The following TIMM44 variants were observed in gnomAD, a reference collection of about 807,000 sequenced individuals.
TIMM44 encodes mitochondrial import inner membrane translocase subunit TIM44.
A neutral mutation model predicts 63.8 loss-of-function variants in TIMM44; 37 were observed. The ratio of observed to expected loss-of-function variants is 0.58; its 90% CI spans 0.45 to 0.76. The LOEUF (loss-of-function observed/expected upper bound fraction) is 0.76, where lower values mean the gene tolerates loss of function less well. Ranked by LOEUF, TIMM44 falls within the 30% of genes least tolerant of loss-of-function variation. The pLI is 0.00. For synonymous variants in TIMM44, 239 were observed against 245.1 expected, an observed-to-expected ratio of 0.98 and a Z score of 0.23; for missense variants, 573 against 603.8, an observed-to-expected ratio of 0.95 and a Z score of 0.54.
Position 7,934,992 on chromosome 19 carries a change from C to T in TIMM44, c.393+73G>A. 1.4e-6 allele frequency: 2 copies of T among 1,434,572 alleles called. No homozygotes were observed. The allele number at this position is 1,434,572 out of a possible 1,614,324, so 88.9% of individuals were successfully genotyped here. On this transcript the variant is annotated intron_variant, in intron 4 of 12. Coordinates refer to ENST00000270538, the MANE Select transcript of TIMM44 (RefSeq NM_006351.4). The surrounding 1 kb of genome is among the most constrained non-coding windows in gnomAD (Gnocchi z 5.3). ...CAAGCCACCCCCACCCAGGAGCCGACTCTTCCTCCAGCCTCCAGCGGCCAG... is the reference window on the plus strand; with the variant it reads ...CAAGCCACCCCCACCCAGGAGCCGATTCTTCCTCCAGCCTCCAGCGGCCAG...
Position 7,943,485 on chromosome 19 carries a change from C to A in TIMM44, c.45+122G>T. On this transcript the variant is annotated intron_variant, in intron 1 of 12. Coordinates refer to ENST00000270538, the MANE Select transcript of TIMM44 (RefSeq NM_006351.4). The surrounding 1 kb of genome is among the most constrained non-coding windows in gnomAD (Gnocchi z 4.3). Reference sequence around the variant, plus strand: ...GCCTCTGCTACCCAAAGATCTAACCCCAAGCTTTCTAAGGAGCCCAAGCAA... The same window carrying A: ...GCCTCTGCTACCCAAAGATCTAACCACAAGCTTTCTAAGGAGCCCAAGCAA... 8.2e-7 allele frequency: 1 copy of A among 1,216,326 alleles called. No homozygotes were observed. Among genetic ancestry groups the A allele is most frequent in the Non-Finnish European group, 1.2e-6 (1 of 857,292 alleles). The allele number at this position is 1,216,326 out of a possible 1,614,324, so 75.3% of individuals were successfully genotyped here. A position where few individuals can be genotyped will look rare whatever the true frequency, so the allele number is the denominator to read the frequency against.
At chr19:7,939,159 T>A (rs950144224) in intron 2 of TIMM44, among the ~76,000 whole-genome samples, 1 of 151,940 alleles carries the variant, frequency 6.6e-6, no homozygotes, top group African/African-American at 2.4e-5. Context: ...TAATAATGTA[T>A]CAACATCCTG....
intron 9 of TIMM44, chr19:7,932,286 C>T (rs979310043): frequency 2.2e-5 from 8 of 367,964 alleles, no homozygotes; most frequent in Admixed American, 4.2e-5. Context: ...TGAAGACAGA[C>T]GCCCACTTCT....
At chr19:7,941,058 G>T in intron 2 of TIMM44, 44 bp downstream of exon 2, 1 of 1,522,706 alleles carries the variant, frequency 6.6e-7, no homozygotes, top group Non-Finnish European at 9.1e-7. Context: ...TGAATTTTCG[G>T]GCCTCCCCTG....
intron 3 of TIMM44, among the ~76,000 whole-genome samples, chr19:7,937,449 C>A (rs1984187703): frequency 6.6e-6 from 1 of 152,166 alleles, no homozygotes; most frequent in South Asian, 2.1e-4. Context: ...GGGTGTGAGC[C>A]TCTGCACTGC....
At chr19:7,939,999 G>GCT (rs1984260842) in intron 2 of TIMM44, among the ~76,000 whole-genome samples, 2 of 152,296 alleles carry the variant, frequency 1.3e-5, no homozygotes, top group East Asian at 3.9e-4. Context: ...CTTTTCCACA[G>GCT]CTGTGTTGGG....
chr19:7,934,993 TC>T lies in TIMM44; in HGVS notation c.393+71del. The T allele has an allele frequency of 6.9e-7, 1 of 1,440,846 alleles. No individual in the cohort carries two copies. Among genetic ancestry groups the T allele is most frequent in the Non-Finnish European group, 9.6e-7 (1 of 1,041,008 alleles). 89.3% of individuals were successfully genotyped at this position (1,440,846 alleles called of 1,614,324 possible). On this transcript the variant is annotated intron_variant, in intron 4 of 12. Transcript: ENST00000270538. The surrounding 1 kb of genome is among the most constrained non-coding windows in gnomAD (Gnocchi z 5.3). ...AAGCCACCCCCACCCAGGAGCCGAC[TC>T]TTCCTCCAGCCTCCAGCGGCCAGGG...
In TIMM44 at chr19:7,928,076, C is replaced by T. The variant is rs1430002897; in HGVS notation, c.1128+1G>A. 2.5e-6 allele frequency: 4 copies of T among 1,613,440 alleles called. No homozygotes were observed. Among genetic ancestry groups the T allele is most frequent in the Non-Finnish European group, 3.4e-6 (4 of 1,179,700 alleles). ...CCGGGCCCCCACTGCGAGGTGCTTA[C>T]GTCGACGTTGTCAATGTCTAGGATG... On this transcript the variant is annotated splice_donor_variant, in intron 11 of 12. Transcript: ENST00000270538. LOFTEE classifies it high-confidence loss of function.
chr19:7,929,393 A>C (rs1397232231), intron 10 of TIMM44, among the ~76,000 whole-genome samples: 1 of 152,210 alleles, frequency 6.6e-6, no homozygotes, highest in Non-Finnish European at 1.5e-5. Context: ...TTTCAGGATC[A>C]TGTCGTGAGG....
rs1984362370 is a variant in TIMM44, at chr19:7,943,341, G to A, written c.45+266C>T. ...GGCTACCATTCTCTCTCCTGTATACGTGGAGTCTGATCAGAGGGCGAAGGG... is the reference window on the plus strand; with the variant it reads ...GGCTACCATTCTCTCTCCTGTATACATGGAGTCTGATCAGAGGGCGAAGGG... On this transcript the variant is annotated intron_variant, in intron 1 of 12. Coordinates refer to ENST00000270538, the MANE Select transcript of TIMM44 (RefSeq NM_006351.4). This position sits in a 1 kb window ranked among gnomAD's most constrained non-coding sequence, Gnocchi z 4.3. Among the ~76,000 whole-genome samples the A allele has an allele frequency of 6.6e-6, 1 of 151,290 alleles. No homozygotes were observed. Among genetic ancestry groups the A allele is most frequent in the African/African-American group, 2.4e-5 (1 of 41,126 alleles).
At chr19:7,936,560 T>TC (rs1984160088) in intron 3 of TIMM44, among the ~76,000 whole-genome samples, 1 of 152,220 alleles carries the variant, frequency 6.6e-6, no homozygotes, top group South Asian at 2.1e-4. Context: ...GCTCAGCTGC[T>TC]CATTGGTAAA....
At chr19:7,927,429 G>T (rs1983846029) in intron 12 of TIMM44, 123 bp from the exon 13 acceptor site, 1 of 1,279,166 alleles carries the variant, frequency 7.8e-7, no homozygotes, top group Admixed American at 1.7e-5. Flanking sequence ...GGGAGCAGAG[G>T]CCAGCACAAT....
chr19:7,943,551 G>A lies in TIMM44; in HGVS notation c.45+56C>T. 6.5e-7 allele frequency: 1 copy of A among 1,546,442 alleles called. No individual in the cohort carries two copies. The highest frequency in any genetic ancestry group is 8.7e-7 in the Non-Finnish European group (1 of 1,149,450). On this transcript the variant is annotated intron_variant, in intron 1 of 12. Coordinates refer to ENST00000270538, the MANE Select transcript of TIMM44 (RefSeq NM_006351.4). This position sits in a 1 kb window ranked among gnomAD's most constrained non-coding sequence, Gnocchi z 4.3. ...AGGGTCTGAGAAGAAAGCCTTGGTGGCCGAAGGCCCAGAAGACCCCTAAGC... is the reference window on the plus strand; with the variant it reads ...AGGGTCTGAGAAGAAAGCCTTGGTGACCGAAGGCCCAGAAGACCCCTAAGC...
rs1306267026 is a variant in TIMM44 at position 7,934,677 on chromosome 19, G to C, written c.393+388C>G. Reference sequence around the variant, plus strand: ...AAGAACGGCGGTGAGGGCGCCCCATGCTGCGCAAAGCTGGACAGAACAGAC... The same window carrying C: ...AAGAACGGCGGTGAGGGCGCCCCATCCTGCGCAAAGCTGGACAGAACAGAC... On this transcript the variant is annotated intron_variant, in intron 4 of 12. Coordinates refer to ENST00000270538, the MANE Select transcript of TIMM44 (RefSeq NM_006351.4). This position sits in a 1 kb window ranked among gnomAD's most constrained non-coding sequence, Gnocchi z 5.3. 6.6e-6 allele frequency among the ~76,000 whole-genome samples: 1 copy of C among 152,200 alleles called. No homozygotes were observed. The highest frequency in any genetic ancestry group is 1.5e-5 in the Non-Finnish European group (1 of 68,014).
intron 1 of TIMM44, among the ~76,000 whole-genome samples, chr19:7,941,841 T>C (rs1190714299): frequency 6.6e-6 from 1 of 152,198 alleles, no homozygotes; most frequent in African/African-American, 2.4e-5. Context: ...TAAGCTTCTA[T>C]GCTAGTGGCA....
rs1358864062 is a variant in TIMM44, at chr19:7,931,320, C to A, written c.988-132G>T. 3 of 827,544 alleles carry A rather than the reference C, an allele frequency of 3.6e-6. No homozygotes were observed. In the Admixed American group the frequency reaches 5.5e-5, roughly 15 times the overall value. The allele number at this position is 827,544 out of a possible 1,614,324, so 51.3% of individuals were successfully genotyped here. A position where few individuals can be genotyped will look rare whatever the true frequency, so the allele number is the denominator to read the frequency against. ...ACACCCCCGGCTGCCACCTGTGGGG[C>A]GCGGGTGGAGCTGTGGCACTGGGTG... is the stretch of plus-strand genomic sequence containing the variant. On this transcript the variant is annotated intron_variant, in intron 9 of 12. Transcript: ENST00000270538.
At chr19:7,941,292 T>G in intron 1 of TIMM44, 95 bp from the exon 2 acceptor site, 2 of 860,486 alleles carry the variant, frequency 2.3e-6, no homozygotes, top group Non-Finnish European at 3.7e-6. Context: ...CACCTGCAAC[T>G]CACTGGCCAT....
At chr19:7,937,168 A>C (rs1599650616) in intron 3 of TIMM44, among the ~76,000 whole-genome samples, 1 of 152,006 alleles carries the variant, frequency 6.6e-6, no homozygotes, top group South Asian at 2.1e-4. Flanking sequence ...AATCCCAGCT[A>C]TCCGGGAGGC....
intron 2 of TIMM44, among the ~76,000 whole-genome samples, chr19:7,940,181 C>T (rs1306844168): frequency 1.3e-5 from 2 of 151,186 alleles, no homozygotes; most frequent in African/African-American, 2.4e-5. Context: ...TGCAGTGAGC[C>T]GTGATAGTGC....
Sources: allele counts gnomAD v4.1 joint callset (sites outside exome capture counted in the v4.1 genomes callset), GRCh38; gene constraint gnomAD v4.1.1; non-coding constraint Gnocchi (gnomAD v3.1); transcripts MANE v1.5; gene names NCBI Gene and HGNC (gene_info 2026-07-23, HGNC 2026-07-21).